The following SPSB3 variants were observed in gnomAD, a reference collection of about 807,000 sequenced individuals.
The protein encoded by SPSB3 is splA/ryanodine receptor domain and SOCS box containing 3.
A neutral mutation model predicts 29.5 loss-of-function variants in SPSB3; 18 were observed. That is an observed-to-expected ratio of 0.61 (90% CI 0.42 to 0.91). The LOEUF (loss-of-function observed/expected upper bound fraction) is 0.91, where lower values mean the gene tolerates loss of function less well. SPSB3 is among the 40% of genes least tolerant of loss of function. SPSB3 has a pLI of 0.00. For synonymous variants in SPSB3, 299 were observed against 214.1 expected (o/e 1.40, Z -3.46); for missense variants, 540 against 507.5 (o/e 1.06, Z -0.61).
intron 3 of SPSB3, 28 bp downstream of exon 3, chr16:1,778,407 C>T (rs1332505561): frequency 5.0e-6 from 8 of 1,605,868 alleles, no homozygotes; most frequent in Admixed American, 3.4e-5. Context: ...GCAGTGCAGT[C>T]CCAGCAGGGG....
chr16:1,779,026 G>C (rs1019311677), intron 2 of SPSB3: 1 of 176,748 alleles, frequency 5.7e-6, no homozygotes, highest in East Asian at 1.6e-4. Context: ...CCTCAGGGCA[G>C]TCCCCACCAC....
Position 1,777,415 on chromosome 16 carries a change from CTT to C in SPSB3, c.748_749del (p.Lys250GlufsTer142), listed in dbSNP as rs2042730669. 2 of 1,556,956 alleles carry C rather than the reference CTT, an allele frequency of 1.3e-6. No individual in the cohort carries two copies. Among genetic ancestry groups the C allele is most frequent in the Admixed American group, 1.8e-5 (1 of 55,960 alleles). ...TGGAGCACACCATCGGGTAGAATCT[CTT>C]GTTCTGCAGCTTGGTGGCTGCCACA... is the stretch of plus-strand genomic sequence containing the variant. ...IGVAATKLQN[K>X]RFYPMVCSTA... On this transcript the variant is annotated frameshift_variant, in exon 7 of 7. Transcript: ENST00000566339. LOFTEE classifies it low-confidence loss of function (END_TRUNC).
At chr16:1,777,500 G>GCAGC in intron 6 of SPSB3, 57 bp from the exon 7 acceptor site, 1 of 1,435,776 alleles carries the variant, frequency 7.0e-7, no homozygotes, top group Non-Finnish European at 9.2e-7. Context: ...GCTACTGGGC[G>GCAGC]CAGCCCCTCA....
chr16:1,780,764 G>C (rs1896681119), intron 2 of SPSB3: 1 of 177,464 alleles, frequency 5.6e-6, no homozygotes, highest in Non-Finnish European at 1.2e-5. Flanking sequence ...TCAGGGTCTA[G>C]CTCTGTCACC....
intron 1 of SPSB3, 148 bp from the exon 2 acceptor site, chr16:1,781,643 G>A: frequency 1.3e-6 from 1 of 782,264 alleles, no homozygotes; most frequent in South Asian, 1.8e-5. Context: ...TCAGGAGCCC[G>A]TACCTCACTC....
Position 1,781,389 on chromosome 16 carries a change from G to C in SPSB3, c.95C>G (p.Ser32Cys). The part of the protein sequence containing the change: ...ADARAVALAG[S>C]TNWGYDSDGQ... ...ATCAGAGTCGTAGCCCCAGTTAGTGGAGCCTGCTAGAGCCACGGCCCGGGC... is the reference window on the plus strand; with the variant it reads ...ATCAGAGTCGTAGCCCCAGTTAGTGCAGCCTGCTAGAGCCACGGCCCGGGC... Residue 32 changes from serine to cysteine, a missense_variant, in exon 2 of 7, where the codon TCC becomes TGC. Coordinates refer to ENST00000566339, the MANE Select transcript of SPSB3 (RefSeq NM_080861.4). 2 of 1,612,852 alleles carry C rather than the reference G, an allele frequency of 1.2e-6. No homozygotes were observed. Among genetic ancestry groups the C allele is most frequent in the African/African-American group, 1.3e-5 (1 of 75,020 alleles).
rs1294651032 is a variant in SPSB3, at chr16:1,777,230, T to G, written c.935A>C (p.Lys312Thr). 6.2e-7 allele frequency: 1 copy of G among 1,610,772 alleles called. No homozygotes were observed. The highest frequency in any genetic ancestry group is 8.5e-7 in the Non-Finnish European group (1 of 1,179,816). Residue 312 changes from lysine (K) to threonine (T), a missense_variant, in exon 7 of 7, where the codon AAG becomes ACG. Transcript: ENST00000566339. ...ACTCATGCTCAGGACCCAGCCCAGC[T>G]TGTTGTGTAGCACCTGCTTGAGGCC... is the stretch of plus-strand genomic sequence containing the variant. ...PPGLKQVLHN[K>T]LGWVLSMSCS...
chr16:1,777,174 G>A lies in SPSB3; in HGVS notation c.991C>T (p.Pro331Ser), dbSNP rs781451093. ...GGGTGGGCGGAGGTCGCTGCCTGGG[G>A]ATCGGACACTGGAGCCTTGCGGCGG... is the stretch of plus-strand genomic sequence containing the variant. Reference protein sequence around the residue: ...CSRRKAPVSDPQAATSAHPSS... With the variant: ...CSRRKAPVSDSQAATSAHPSS... The change falls in exon 7 of 7, where the codon CCC becomes TCC. Residue 331 changes from proline (P) to serine (S), a missense_variant. Coordinates refer to ENST00000566339, the MANE Select transcript of SPSB3 (RefSeq NM_080861.4). 3 of 1,610,884 alleles carry A rather than the reference G, an allele frequency of 1.9e-6. No individual in the cohort carries two copies. Among genetic ancestry groups the A allele is most frequent in the African/African-American group, 2.7e-5 (2 of 74,926 alleles).
chr16:1,778,555 C>G lies in SPSB3; in HGVS notation c.184G>C (p.Ala62Pro), dbSNP rs755225877. Residue 62 changes from alanine (A) to proline (P), a missense_variant, in exon 3 of 7, where the codon GCG becomes CCG. Transcript: ENST00000566339. ...AAGGACTCGCCGGTCACGGGCACCG[C>G]ACTGGGGATGGATGGCGGCAGCGTG... ...YSTLPPSIPS[A>P]VPVTGESFCD... The G allele has an allele frequency of 6.2e-7, 1 of 1,603,612 alleles. No individual in the cohort carries two copies. Among genetic ancestry groups the G allele is most frequent in the Non-Finnish European group, 8.5e-7 (1 of 1,173,484 alleles).
At chr16:1,781,757 C>T (rs1003051504) in intron 1 of SPSB3, 5 of 503,650 alleles carry the variant, frequency 9.9e-6, no homozygotes, top group Admixed American at 7.2e-5. Context: ...CCGGTTCCAC[C>T]TCACGAACCT....
Position 1,778,285 on chromosome 16 carries a change from G to A in SPSB3, c.341C>T (p.Ser114Leu), listed in dbSNP as rs1312408126. 7.4e-6 allele frequency: 12 copies of A among 1,612,652 alleles called. No individual in the cohort carries two copies. Among genetic ancestry groups the A allele is most frequent in the Non-Finnish European group, 1.0e-5 (12 of 1,179,996 alleles). ...DWVWDDLNKSSATLLSCDNRK... is the reference protein window; with the variant it reads ...DWVWDDLNKSLATLLSCDNRK... ...GTTGTCACAGCTCAGCAGGGTGGCTGATGACTTATTTAAGTCATCCCAGAC... is the reference window on the plus strand; with the variant it reads ...GTTGTCACAGCTCAGCAGGGTGGCTAATGACTTATTTAAGTCATCCCAGAC... The change falls in exon 4 of 7, where the codon TCA becomes TTA. Residue 114 changes from serine to leucine, a missense_variant. Physicochemically the swap from Ser to Leu is moderately radical, Grantham distance 145. Transcript: ENST00000566339.
intron 2 of SPSB3, 121 bp downstream of exon 2, chr16:1,781,237 C>T (rs1484189878): frequency 1.3e-6 from 2 of 1,594,642 alleles, no homozygotes; most frequent in African/African-American, 1.3e-5. Context: ...TGGACTGGTC[C>T]TCTAGCCTCA....
intron 1 of SPSB3, 53 bp from the exon 2 acceptor site, chr16:1,781,548 C>G: frequency 6.4e-7 from 1 of 1,571,680 alleles, no homozygotes; most frequent in Non-Finnish European, 8.6e-7. Flanking sequence ...ACTCCCAGCC[C>G]TGAGCTTCCA....
intron 2 of SPSB3, chr16:1,779,833 C>T (rs1373348715): frequency 1.3e-5 from 2 of 152,238 alleles, no homozygotes; most frequent in Non-Finnish European, 2.9e-5. Context: ...CAGCCACGAG[C>T]CTGTGAGGCT....
Position 1,778,522 on chromosome 16 carries a change from A to T in SPSB3, c.217T>A (p.Cys73Ser). The change falls in exon 3 of 7, where the codon TGT becomes AGT. Residue 73 changes from cysteine to serine, a missense_variant. Cys to Ser is a moderately radical substitution (Grantham distance 112). Coordinates refer to ENST00000566339, the MANE Select transcript of SPSB3 (RefSeq NM_080861.4). ...AAGGAGGCCTCGCTCTGCCCAGCACAGTCACAGAAGGACTCGCCGGTCACG... is the reference window on the plus strand; with the variant it reads ...AAGGAGGCCTCGCTCTGCCCAGCACTGTCACAGAAGGACTCGCCGGTCACG... ...VPVTGESFCDCAGQSEASFCS... is the reference protein window; with the variant it reads ...VPVTGESFCDSAGQSEASFCS... 1 of 1,611,194 alleles carries T rather than the reference A, an allele frequency of 6.2e-7. No homozygotes were observed. Among genetic ancestry groups the T allele is most frequent in the Non-Finnish European group, 8.5e-7 (1 of 1,178,874 alleles).
At chr16:1,781,711 C>G in intron 1 of SPSB3, 1 of 570,684 alleles carries the variant, frequency 1.8e-6, no homozygotes, top group Non-Finnish European at 3.1e-6. Context: ...CACCCAGACA[C>G]CCATGACTCC....
At position 1,778,121 on chromosome 16, in the gene SPSB3, C is replaced by A. The variant is rs200130779; in HGVS notation, c.492+13G>T. ...CAGGTTCCCCAGAAGCACCCTGGGC[C>A]GAAGCAACTTACCATGTCGGTGCCG... On this transcript the variant is annotated intron_variant, in intron 4 of 6. Coordinates refer to ENST00000566339, the MANE Select transcript of SPSB3 (RefSeq NM_080861.4). The A allele has an allele frequency of 2.3e-4, 372 of 1,612,624 alleles. 1 individual carries two copies. The highest frequency in any genetic ancestry group is 3.0e-4 in the Non-Finnish European group (354 of 1,179,740).
intron 2 of SPSB3, chr16:1,780,047 G>A (rs1312967157): frequency 6.6e-6 from 1 of 152,382 alleles, no homozygotes. Context: ...ACCCCTCCCA[G>A]GACACCTGGC....
chr16:1,777,687 G>C, intron 6 of SPSB3, 60 bp downstream of exon 6: 6 of 1,597,168 alleles, frequency 3.8e-6, no homozygotes, highest in Middle Eastern at 2.1e-4. Context: ...GGCTGGGGCG[G>C]GGTGGCTGCC....
Sources: allele counts gnomAD v4.1 joint callset, GRCh38; gene constraint gnomAD v4.1.1; transcripts MANE v1.5; gene names NCBI Gene and HGNC (gene_info 2026-07-23, HGNC 2026-07-21).